BNC2: variants seen among roughly 807,000 people sequenced by gnomAD.
BNC2 encodes the protein basonuclin zinc finger protein 2.
In BNC2, 20 loss-of-function variants were observed where a neutral mutation model predicts 76.3. That is an observed-to-expected ratio of 0.26 (90% CI 0.18 to 0.38). BNC2 has a LOEUF of 0.38. BNC2 is among the 10% of genes least tolerant of loss of function. The pLI is 1.00. For synonymous variants in BNC2, 582 were observed against 514.8 expected, an observed-to-expected ratio of 1.13 and a Z score of -1.77; for missense variants, 1,382 against 1,399.8, an observed-to-expected ratio of 0.99 and a Z score of 0.20.
intron 3 of BNC2, among the ~76,000 whole-genome samples, chr9:16,701,754 C>G (rs1823520273): frequency 6.6e-6 from 1 of 151,688 alleles, no homozygotes; most frequent in Non-Finnish European, 1.5e-5. Flanking sequence ...CTAGCCTGGC[C>G]AACAAGGTGA....
chr9:16,537,165 C>T (rs1004390383), intron 5 of BNC2, among the ~76,000 whole-genome samples: 7 of 151,982 alleles, frequency 4.6e-5, no homozygotes, highest in Non-Finnish European at 7.4e-5. Flanking sequence ...GATGTCTATA[C>T]CATTTATACA....
chr9:16,870,597 T>C (rs1470295318), intron 1 of BNC2, 49 bp downstream of exon 1: 1 of 1,604,196 alleles, frequency 6.2e-7, no homozygotes, highest in Admixed American at 1.7e-5. Context: ...CGGGGGTCAT[T>C]TCTGAGGAAG....
At position 16,706,355 on chromosome 9, in the gene BNC2, C is replaced by G. The variant is rs570838485; in HGVS notation, c.330+21442G>C. Among the ~76,000 whole-genome samples, 3 of 152,282 alleles carry G rather than the reference C, an allele frequency of 2.0e-5. No individual in the cohort carries two copies. In the East Asian group the frequency reaches 5.8e-4, roughly 29 times the overall value. ...TCCTCTTCTCTACTGTAGTCATAGG[C>G]AATTCTAAAAAGCACAAAGTCCCCT... is the stretch of plus-strand genomic sequence containing the variant. On this transcript the variant is annotated intron_variant, in intron 3 of 6. Coordinates refer to ENST00000380672, the MANE Select transcript of BNC2 (RefSeq NM_017637.6).
chr9:16,632,687 C>T (rs1485304607), intron 3 of BNC2, among the ~76,000 whole-genome samples: 1 of 152,234 alleles, frequency 6.6e-6, no homozygotes, highest in Non-Finnish European at 1.5e-5. Flanking sequence ...TCACCCATTA[C>T]ACTGAGTACA....
At chr9:16,776,777 T>C (rs1429381600) in intron 1 of BNC2, among the ~76,000 whole-genome samples, 1 of 152,154 alleles carries the variant, frequency 6.6e-6, no homozygotes, top group Non-Finnish European at 1.5e-5. Flanking sequence ...TTAATGAAGT[T>C]AATAATAAGG....
At chr9:16,482,373 C>A (rs539960401) in intron 5 of BNC2, among the ~76,000 whole-genome samples, 14 of 151,910 alleles carry the variant, frequency 9.2e-5, no homozygotes, top group Non-Finnish European at 1.9e-4. Context: ...GCTATTATAT[C>A]CCATTGTGTC....
chr9:16,464,587 A>C (rs2149161), intron 5 of BNC2, among the ~76,000 whole-genome samples: 63,828 of 151,668 alleles, frequency 0.42, 13,865 homozygotes, highest in East Asian at 0.6. Context: ...AATATTTCCT[A>C]AACATATCTA....
chr9:16,459,663 C>T (rs923402732), intron 5 of BNC2, among the ~76,000 whole-genome samples: 9 of 152,172 alleles, frequency 5.9e-5, no homozygotes, highest in African/African-American at 2.2e-4. Context: ...ATGCAAACAG[C>T]AGCTGCACTG....
At chr9:16,782,083 G>A (rs749390409) in intron 1 of BNC2, among the ~76,000 whole-genome samples, 10 of 151,832 alleles carry the variant, frequency 6.6e-5, no homozygotes, top group Non-Finnish European at 8.8e-5. Flanking sequence ...TCAGGATATC[G>A]AGACCAGCCT....
intron 5 of BNC2, among the ~76,000 whole-genome samples, chr9:16,456,651 G>T (rs1306332557): frequency 6.6e-6 from 1 of 152,024 alleles, no homozygotes; most frequent in South Asian, 2.1e-4. Context: ...CAAATGCTCT[G>T]GCAGATATTT....
chr9:16,703,319 T>C (rs908141493), intron 3 of BNC2, among the ~76,000 whole-genome samples: 5 of 152,102 alleles, frequency 3.3e-5, no homozygotes, highest in Non-Finnish European at 7.4e-5. Context: ...TAATTAACTT[T>C]AAAATTGGCT....
intron 5 of BNC2, among the ~76,000 whole-genome samples, chr9:16,517,130 T>C (rs1031047369): frequency 2.6e-5 from 4 of 152,158 alleles, no homozygotes; most frequent in African/African-American, 7.2e-5. Context: ...TGTCTTTAGA[T>C]TGAGATAAGA....
At chr9:16,830,280 T>C (rs1818551052) in intron 1 of BNC2, among the ~76,000 whole-genome samples, 2 of 152,210 alleles carry the variant, frequency 1.3e-5, no homozygotes, top group South Asian at 4.1e-4. Flanking sequence ...ATTCACCTAG[T>C]ATAGCTGTCC....
chr9:16,701,608 A>G (rs1445760854), intron 3 of BNC2, among the ~76,000 whole-genome samples: 1 of 152,194 alleles, frequency 6.6e-6, no homozygotes, highest in East Asian at 1.9e-4. Context: ...TTGGCAGGCT[A>G]AAAGAAGTTA....
chr9:16,692,590 T>C (rs779806059), intron 3 of BNC2, among the ~76,000 whole-genome samples: 1 of 152,064 alleles, frequency 6.6e-6, no homozygotes, highest in Non-Finnish European at 1.5e-5. Flanking sequence ...CACCACAGCA[T>C]ACCAATCCAA....
At chr9:16,778,629 A>G (rs144364767) in intron 1 of BNC2, among the ~76,000 whole-genome samples, 7 of 152,318 alleles carry the variant, frequency 4.6e-5, no homozygotes, top group African/African-American at 1.7e-4. Context: ...GAACAAGCAC[A>G]CTTCTAGTGC....
At chr9:16,508,658 T>G (rs1243194375) in intron 5 of BNC2, among the ~76,000 whole-genome samples, 3 of 152,184 alleles carry the variant, frequency 2.0e-5, no homozygotes, top group Non-Finnish European at 2.9e-5. Flanking sequence ...TTCTTGGCTC[T>G]TTATGCCCAG....
intron 1 of BNC2, among the ~76,000 whole-genome samples, chr9:16,778,716 C>A (rs772488177): frequency 1.3e-5 from 2 of 152,172 alleles, no homozygotes; most frequent in Non-Finnish European, 2.9e-5. Context: ...AGGCTTCAAA[C>A]GAGATCCTTA....
At chr9:16,552,407 T>A in intron 5 of BNC2, 123 bp downstream of exon 5, 1 of 823,604 alleles carries the variant, frequency 1.2e-6, no homozygotes. Flanking sequence ...ACAAGCCTGC[T>A]GAAACGACCA....
Sources: allele counts gnomAD v4.1 joint callset (sites outside exome capture counted in the v4.1 genomes callset), GRCh38; gene constraint gnomAD v4.1.1; transcripts MANE v1.5; gene names NCBI Gene and HGNC (gene_info 2026-07-23, HGNC 2026-07-21).